Variants in QTMAN observed in about 807,000 individuals in gnomAD.
QTMAN encodes tRNA-queuosine alpha-mannosyltransferase.
chr2:144,201,911 A>T, the QTMAN span, among the ~76,000 whole-genome samples: 1 of 152,186 alleles, frequency 6.6e-6, no homozygotes, highest in Non-Finnish European at 1.5e-5. Flanking sequence ...CAGAGACTTT[A>T]GGAAAAAATT....
At chr2:144,023,032 T>C in the QTMAN span, among the ~76,000 whole-genome samples, 1 of 152,192 alleles carries the variant, frequency 6.6e-6, no homozygotes, top group Non-Finnish European at 1.5e-5. Context: ...TAAAACCTAC[T>C]TTATCTTCTC....
chr2:144,264,326 T>C, the QTMAN span, among the ~76,000 whole-genome samples: 1 of 152,166 alleles, frequency 6.6e-6, no homozygotes, highest in Non-Finnish European at 1.5e-5. Flanking sequence ...GAGAATACTT[T>C]GAAACTTTTA....
chr2:144,226,946 G>A, the QTMAN span, among the ~76,000 whole-genome samples: 1 of 152,064 alleles, frequency 6.6e-6, no homozygotes, highest in Non-Finnish European at 1.5e-5. Context: ...AGACAGTCAA[G>A]GGCAAAACAA....
At chr2:144,214,031 C>T in the QTMAN span, among the ~76,000 whole-genome samples, 4 of 152,200 alleles carry the variant, frequency 2.6e-5, no homozygotes, top group South Asian at 8.3e-4. Flanking sequence ...TGATTCATCA[C>T]GGAAACCCCA....
the QTMAN span, among the ~76,000 whole-genome samples, chr2:143,976,709 CTCTG>C: frequency 1.3e-5 from 2 of 152,220 alleles, no homozygotes; most frequent in African/African-American, 2.4e-5. Context: ...TTCTCAACTT[CTCTG>C]TCTGTTTTGC....
the QTMAN span, among the ~76,000 whole-genome samples, chr2:144,102,274 G>A: frequency 6.6e-5 from 10 of 152,142 alleles, no homozygotes; most frequent in African/African-American, 1.4e-4. Flanking sequence ...ACCCATCTTC[G>A]TTGTAAGGCT....
At chr2:144,112,212 G>A in the QTMAN span, among the ~76,000 whole-genome samples, 1 of 152,190 alleles carries the variant, frequency 6.6e-6, no homozygotes, top group African/African-American at 2.4e-5. Flanking sequence ...TGAGACACAA[G>A]TACCAAGAGC....
chr2:144,164,321 G>T, the QTMAN span, among the ~76,000 whole-genome samples: 1 of 152,012 alleles, frequency 6.6e-6, no homozygotes. Context: ...TTATAGGGTG[G>T]TGTGAGATGT....
the QTMAN span, among the ~76,000 whole-genome samples, chr2:143,976,298 G>C: frequency 6.6e-6 from 1 of 151,980 alleles, no homozygotes; most frequent in South Asian, 2.1e-4. Context: ...TGTTACTTGG[G>C]GTTCAAACTC....
the QTMAN span, among the ~76,000 whole-genome samples, chr2:144,145,132 G>T: frequency 6.7e-6 from 1 of 149,594 alleles, no homozygotes; most frequent in Non-Finnish European, 1.5e-5. Context: ...AAAAAAAGGC[G>T]GGGGAGACAA....
chr2:144,281,437 T>C, the QTMAN span, among the ~76,000 whole-genome samples: 3 of 145,356 alleles, frequency 2.1e-5, no homozygotes, highest in Admixed American at 1.4e-4. Flanking sequence ...AACCTAAATG[T>C]CCAGCAACAG....
chr2:144,048,152 G>C, the QTMAN span, among the ~76,000 whole-genome samples: 15,467 of 152,210 alleles, frequency 0.1, 1,193 homozygotes, highest in East Asian at 0.25. Flanking sequence ...GACCCAGGGT[G>C]GGGGTGGTCA....
chr2:144,111,417 A>G, the QTMAN span, among the ~76,000 whole-genome samples: 1 of 152,170 alleles, frequency 6.6e-6, no homozygotes, highest in Non-Finnish European at 1.5e-5. Flanking sequence ...ATAGCAGTAA[A>G]TTGGGCTCTA....
At chr2:144,041,013 GTTCA>G in the QTMAN span, among the ~76,000 whole-genome samples, 1 of 152,072 alleles carries the variant, frequency 6.6e-6, no homozygotes, top group Non-Finnish European at 1.5e-5. Context: ...TTGTCAAATA[GTTCA>G]TTCATTCATT....
At chr2:143,993,959 T>C in the QTMAN span, among the ~76,000 whole-genome samples, 2 of 152,202 alleles carry the variant, frequency 1.3e-5, no homozygotes, top group African/African-American at 4.8e-5. Flanking sequence ...ACACTGGAAG[T>C]ATATGGAGGC....
At chr2:144,005,976 A>G in the QTMAN span, 1 of 152,162 alleles carries the variant, frequency 6.6e-6, no homozygotes, top group Non-Finnish European at 1.5e-5. Context: ...GGAATAAAAG[A>G]AAAAGCTTTT....
At chr2:143,998,528 T>G in the QTMAN span, among the ~76,000 whole-genome samples, 3 of 151,472 alleles carry the variant, frequency 2.0e-5, no homozygotes, top group East Asian at 5.8e-4. Flanking sequence ...AAAAAATAAA[T>G]GAAAACCTTC....
At chr2:144,248,123 CGTAATA>C in the QTMAN span, among the ~76,000 whole-genome samples, 785 of 152,164 alleles carry the variant, frequency 5.2e-3, 10 homozygotes, top group African/African-American at 0.018. Flanking sequence ...CAGTGTTTTA[CGTAATA>C]GTAAAACACA....
chr2:144,002,171 A>C, the QTMAN span, among the ~76,000 whole-genome samples: 1 of 151,976 alleles, frequency 6.6e-6, no homozygotes, highest in African/African-American at 2.4e-5. Flanking sequence ...TCATTGAAGA[A>C]GCAGTAAAAT....
Sources: gnomAD v4.1 joint callset for allele counts (sites outside exome capture counted in the v4.1 genomes callset) on GRCh38, gnomAD v4.1.1 for gene constraint, MANE v1.5 for transcripts, NCBI Gene and HGNC (gene_info 2026-07-23, HGNC 2026-07-21) for gene names.